RBM27: variants seen among roughly 807,000 people sequenced by gnomAD.
RBM27 encodes RNA-binding protein 27.
A neutral mutation model predicts 135.3 loss-of-function variants in RBM27; 22 were observed. That is an observed-to-expected ratio of 0.16 (90% CI 0.12 to 0.23). The LOEUF (loss-of-function observed/expected upper bound fraction) is 0.23, where lower values mean the gene tolerates loss of function less well. Ranked by LOEUF, RBM27 falls within the 10% of genes least tolerant of loss-of-function variation. RBM27 has a pLI of 1.00. For synonymous variants in RBM27, 481 were observed against 442.4 expected, an observed-to-expected ratio of 1.09 and a Z score of -1.10; for missense variants, 1,009 against 1,281.0, an observed-to-expected ratio of 0.79 and a Z score of 3.24.
At chr5:146,246,256 T>G (rs970062116) in intron 8 of RBM27, among the ~76,000 whole-genome samples, 2 of 152,194 alleles carry the variant, frequency 1.3e-5, no homozygotes, top group African/African-American at 4.8e-5. Context: ...CTGTGAATAC[T>G]CTTAAAGACA....
intron 15 of RBM27, among the ~76,000 whole-genome samples, chr5:146,268,245 CTTTTTTT>C (rs35589922): frequency 7.0e-6 from 1 of 142,248 alleles, no homozygotes; most frequent in Non-Finnish European, 1.5e-5. Flanking sequence ...TTTCTTATTT[CTTTTTTT>C]TTTTTTTGAG....
intron 9 of RBM27, among the ~76,000 whole-genome samples, chr5:146,252,981 TTTTA>T (rs777045188): frequency 2.6e-5 from 4 of 152,010 alleles, no homozygotes; most frequent in Admixed American, 6.6e-5. Context: ...AATTATTTGT[TTTTA>T]TTTATTTATT....
intron 8 of RBM27, among the ~76,000 whole-genome samples, chr5:146,240,178 C>T (rs770793142): frequency 1.9e-4 from 29 of 151,414 alleles, no homozygotes; most frequent in Non-Finnish European, 3.4e-4. Flanking sequence ...CCTTTCTGTG[C>T]CCCCGTCATG....
intron 8 of RBM27, among the ~76,000 whole-genome samples, chr5:146,251,503 T>C (rs1359825266): frequency 1.3e-5 from 2 of 152,218 alleles, no homozygotes; most frequent in African/African-American, 4.8e-5. Flanking sequence ...TTAATTCTTA[T>C]TCTTTTCTTT....
At chr5:146,214,920 CTT>C (rs1209529076) in intron 1 of RBM27, among the ~76,000 whole-genome samples, 2 of 152,172 alleles carry the variant, frequency 1.3e-5, no homozygotes, top group African/African-American at 4.8e-5. Context: ...CTTTTCTACT[CTT>C]TTACTTTCCT....
chr5:146,272,918 G>A (rs1173428934), intron 19 of RBM27, among the ~76,000 whole-genome samples: 2 of 152,156 alleles, frequency 1.3e-5, no homozygotes, highest in Non-Finnish European at 2.9e-5. Context: ...TTCTTTCCCT[G>A]ATGTAACCCT....
intron 19 of RBM27, among the ~76,000 whole-genome samples, chr5:146,276,726 T>A (rs1266573354): frequency 6.6e-6 from 1 of 152,200 alleles, no homozygotes; most frequent in East Asian, 1.9e-4. Context: ...TTTTAGATAG[T>A]GCTTCATTGA....
chr5:146,216,233 G>C (rs932808130), intron 1 of RBM27, among the ~76,000 whole-genome samples: 1 of 151,970 alleles, frequency 6.6e-6, no homozygotes, highest in Non-Finnish European at 1.5e-5. Flanking sequence ...ATTTTTTGTA[G>C]AAGCAGGTTT....
chr5:146,250,044 A>G (rs1757816126), intron 8 of RBM27, among the ~76,000 whole-genome samples: 1 of 152,184 alleles, frequency 6.6e-6, no homozygotes. Flanking sequence ...GCATCTCCAT[A>G]TTCCCTTTAG....
intron 1 of RBM27, among the ~76,000 whole-genome samples, chr5:146,204,528 GA>G (rs11354246): frequency 0.39 from 58,914 of 151,872 alleles, 11,896 homozygotes; most frequent in African/African-American, 0.48. Context: ...ATGACTTTTA[GA>G]TACATAGAGG....
intron 10 of RBM27, among the ~76,000 whole-genome samples, chr5:146,258,049 C>G (rs1202746903): frequency 6.6e-6 from 1 of 152,100 alleles, no homozygotes; most frequent in African/African-American, 2.4e-5. Flanking sequence ...GAACTCCCGA[C>G]CTCAGGTGAT....
chr5:146,270,942 A>T lies in RBM27; in HGVS notation c.2692-12A>T, dbSNP rs534145720. On this transcript the variant is annotated splice_polypyrimidine_tract_variant and intron_variant, in intron 17 of 20. Transcript: ENST00000265271. ...TCTAAAAAATACCTTTTTATTTTCA[A>T]TTTTTCCAAAGGCCCAGAAGGAGTT... 6.3e-7 allele frequency: 1 copy of T among 1,577,270 alleles called. No homozygotes were observed.
chr5:146,262,479 A>C (rs1758440487), intron 13 of RBM27, among the ~76,000 whole-genome samples: 1 of 152,236 alleles, frequency 6.6e-6, no homozygotes, highest in South Asian at 2.1e-4. Flanking sequence ...TATTTGATTG[A>C]ATAGATGAAG....
At chr5:146,237,183 C>T in intron 7 of RBM27, 115 bp from the exon 8 acceptor site, 1 of 1,249,648 alleles carries the variant, frequency 8.0e-7, no homozygotes, top group Non-Finnish European at 1.1e-6. Flanking sequence ...AGGTGATCCG[C>T]CTGTCTTGGC....
chr5:146,276,884 A>G (rs1482333241), intron 19 of RBM27, among the ~76,000 whole-genome samples: 1 of 152,150 alleles, frequency 6.6e-6, no homozygotes, highest in Non-Finnish European at 1.5e-5. Context: ...GTGAGACCCT[A>G]TCTTTACAAA....
chr5:146,231,711 A>G (rs1420013378), intron 6 of RBM27, among the ~76,000 whole-genome samples: 3 of 151,398 alleles, frequency 2.0e-5, no homozygotes, highest in Non-Finnish European at 2.9e-5. Flanking sequence ...TCTGACTCCC[A>G]AGTTGAAGCG....
intron 9 of RBM27, among the ~76,000 whole-genome samples, chr5:146,254,543 C>A (rs1303731956): frequency 7.0e-5 from 10 of 143,700 alleles, no homozygotes; most frequent in South Asian, 2.2e-4. Flanking sequence ...AACTACAGAT[C>A]AAAAATATTC....
chr5:146,277,517 ATTTTTT>A (rs371321141), intron 19 of RBM27, among the ~76,000 whole-genome samples: 1 of 125,514 alleles, frequency 8.0e-6, no homozygotes, highest in Non-Finnish European at 1.7e-5. Context: ...TACTGGGATA[ATTTTTT>A]TTTTTTTTTT....
intron 8 of RBM27, among the ~76,000 whole-genome samples, chr5:146,247,197 C>T (rs1049359307): frequency 6.6e-6 from 1 of 151,942 alleles, no homozygotes; most frequent in African/African-American, 2.4e-5. Flanking sequence ...TTTTATTGCT[C>T]CTCAAAATTC....
Sources: allele counts gnomAD v4.1 joint callset (sites outside exome capture counted in the v4.1 genomes callset), GRCh38; gene constraint gnomAD v4.1.1; transcripts MANE v1.5; gene names NCBI Gene and HGNC (gene_info 2026-07-23, HGNC 2026-07-21).